The following VPS13B variants were observed in gnomAD, a reference collection of about 807,000 sequenced individuals.
VPS13B encodes vacuolar protein sorting 13 homolog B.
VPS13B carries 285 observed loss-of-function variants against 426.4 expected under a neutral mutation model. That is an observed-to-expected ratio of 0.67 (90% CI 0.61 to 0.74). The LOEUF (loss-of-function observed/expected upper bound fraction) is 0.74. Among genes scored for constraint, VPS13B ranks in the 30% least tolerant of loss-of-function variants. The pLI is 0.00. For missense variants in VPS13B, 4,537 were observed against 4,782.6 expected (o/e 0.95, Z 1.51); for synonymous variants, 1,676 against 1,676.4 (o/e 1.00, Z 0.01).
At chr8:99,698,568 C>G (rs1832131049) in intron 35 of VPS13B, among the ~76,000 whole-genome samples, 1 of 152,128 alleles carries the variant, frequency 6.6e-6, no homozygotes, top group African/African-American at 2.4e-5. Flanking sequence ...AATAATATGC[C>G]TAATAACTTT....
intron 3 of VPS13B, among the ~76,000 whole-genome samples, chr8:99,074,253 G>T (rs188468748): frequency 1.3e-5 from 2 of 152,064 alleles, no homozygotes; most frequent in Non-Finnish European, 2.9e-5. Flanking sequence ...ATGTTGGGAG[G>T]TTTTATCATG....
At chr8:99,767,493 C>CAAAAAAAAA (rs869220303) in intron 40 of VPS13B, among the ~76,000 whole-genome samples, 4 of 33,332 alleles carry the variant, frequency 1.2e-4, no homozygotes, top group East Asian at 1.1e-3. Flanking sequence ...GCAACTCTCT[C>CAAAAAAAAA]AAAAAAAAAA....
At chr8:99,610,794 A>C (rs1433023937) in intron 33 of VPS13B, among the ~76,000 whole-genome samples, 1 of 152,176 alleles carries the variant, frequency 6.6e-6, no homozygotes, top group Non-Finnish European at 1.5e-5. Context: ...AAAATGAGGA[A>C]ACATTGGAAA....
intron 30 of VPS13B, among the ~76,000 whole-genome samples, chr8:99,526,663 G>T (rs142225697): frequency 6.6e-6 from 1 of 152,338 alleles, no homozygotes; most frequent in East Asian, 1.9e-4. Context: ...GGAGGATTGG[G>T]TGGGTGGAGA....
intron 3 of VPS13B, among the ~76,000 whole-genome samples, chr8:99,043,664 A>C (rs1843072757): frequency 6.6e-6 from 1 of 151,924 alleles, no homozygotes; most frequent in Non-Finnish European, 1.5e-5. Flanking sequence ...GTGACTGAAA[A>C]TTTTGTTACC....
intron 35 of VPS13B, among the ~76,000 whole-genome samples, chr8:99,662,710 C>T (rs1244989621): frequency 2.6e-5 from 4 of 151,984 alleles, no homozygotes; most frequent in South Asian, 2.1e-4. Flanking sequence ...AGCTTCCTAA[C>T]GTGCTGGGAT....
At chr8:99,504,402 C>T (rs1315123939) in intron 27 of VPS13B, among the ~76,000 whole-genome samples, 1 of 152,140 alleles carries the variant, frequency 6.6e-6, no homozygotes, top group African/African-American at 2.4e-5. Context: ...ACACTGTAGC[C>T]TTACAGAATG....
rs868111665 is a variant in VPS13B at position 99,217,211 on chromosome 8, A to G, written c.2515+24154A>G. Among the ~76,000 whole-genome samples the G allele has an allele frequency of 9.8e-5, 15 of 152,312 alleles. 1 individual carries two copies. The Middle Eastern group carries it at 0.014, about 138-fold the overall frequency. ...TAGTAACAATAATTGCTAACACATAAGTGATTATCGTGTGCCTGGCACTGT... is the reference window on the plus strand; with the variant it reads ...TAGTAACAATAATTGCTAACACATAGGTGATTATCGTGTGCCTGGCACTGT... On this transcript the variant is annotated intron_variant, in intron 17 of 61. Transcript: ENST00000357162.
chr8:99,809,279 C>A, intron 43 of VPS13B, 96 bp from the exon 44 acceptor site: 1 of 1,507,116 alleles, frequency 6.6e-7, no homozygotes, highest in Non-Finnish European at 9.1e-7. Context: ...CAAAATATTA[C>A]AAATGGAAAG....
At chr8:99,260,811 A>G (rs2132949243) in intron 17 of VPS13B, among the ~76,000 whole-genome samples, 1 of 152,194 alleles carries the variant, frequency 6.6e-6, no homozygotes, top group Non-Finnish European at 1.5e-5. Context: ...AAATAAAAAT[A>G]CTTAATTTTC....
chr8:99,492,278 C>G (rs1048908321), intron 25 of VPS13B, among the ~76,000 whole-genome samples: 1 of 152,288 alleles, frequency 6.6e-6, no homozygotes, highest in Admixed American at 6.5e-5. Flanking sequence ...AGGTGTCTGT[C>G]GGCCCCTACT....
At chr8:99,602,423 A>G (rs1827350689) in intron 33 of VPS13B, among the ~76,000 whole-genome samples, 2 of 152,134 alleles carry the variant, frequency 1.3e-5, no homozygotes, top group Admixed American at 1.3e-4. Flanking sequence ...GTTTGAAGTC[A>G]GGTAACGTGA....
chr8:99,525,272 A>G (rs1423839937), intron 30 of VPS13B, among the ~76,000 whole-genome samples: 1 of 152,222 alleles, frequency 6.6e-6, no homozygotes, highest in Non-Finnish European at 1.5e-5. Flanking sequence ...GTTAAAAAGC[A>G]GGAGGAGAAA....
At chr8:99,669,469 T>G (rs1830618043) in intron 35 of VPS13B, among the ~76,000 whole-genome samples, 1 of 152,168 alleles carries the variant, frequency 6.6e-6, no homozygotes, top group Non-Finnish European at 1.5e-5. Flanking sequence ...AATGCCACAT[T>G]GGGAAAACAT....
At chr8:99,807,421 A>ATTT (rs35086154) in intron 43 of VPS13B, among the ~76,000 whole-genome samples, 1 of 145,808 alleles carries the variant, frequency 6.9e-6, no homozygotes, top group African/African-American at 2.5e-5. Context: ...TTGCCTCATT[A>ATTT]TTTTTTTTTT....
At chr8:99,439,259 C>T (rs993729750) in intron 22 of VPS13B, among the ~76,000 whole-genome samples, 8 of 152,078 alleles carry the variant, frequency 5.3e-5, no homozygotes, top group African/African-American at 1.9e-4. Flanking sequence ...GTACATAGTA[C>T]ATGCACCACT....
At chr8:99,495,578 A>G (rs1435449951) in intron 25 of VPS13B, among the ~76,000 whole-genome samples, 1 of 152,148 alleles carries the variant, frequency 6.6e-6, no homozygotes, top group Non-Finnish European at 1.5e-5. Flanking sequence ...CCTCTGACAA[A>G]GACATTTTAT....
At chr8:99,323,404 T>C (rs1375782655) in intron 19 of VPS13B, among the ~76,000 whole-genome samples, 1 of 152,210 alleles carries the variant, frequency 6.6e-6, no homozygotes, top group Non-Finnish European at 1.5e-5. Flanking sequence ...ATGCTTATTT[T>C]CTTACATCCT....
At chr8:99,565,054 TA>T (rs977007158) in intron 31 of VPS13B, among the ~76,000 whole-genome samples, 1 of 152,210 alleles carries the variant, frequency 6.6e-6, no homozygotes, top group African/African-American at 2.4e-5. Flanking sequence ...ACTAGTGCTT[TA>T]GGGGGAGGTG....
Sources: gnomAD v4.1 joint callset for allele counts (sites outside exome capture counted in the v4.1 genomes callset) on GRCh38, gnomAD v4.1.1 for gene constraint, MANE v1.5 for transcripts, NCBI Gene and HGNC (gene_info 2026-07-23, HGNC 2026-07-21) for gene names.